The following MIGA1 variants were observed in gnomAD, a reference collection of about 807,000 sequenced individuals.
The protein encoded by MIGA1 is mitoguardin 1.
Under a neutral mutation model 82.0 loss-of-function variants are expected in MIGA1, and 58 were observed. That is an observed-to-expected ratio of 0.71 (90% confidence interval 0.57 to 0.88). The LOEUF is 0.88. MIGA1 is among the 40% of genes least tolerant of loss of function. MIGA1 has a pLI of 0.00. For synonymous variants in MIGA1, 249 were observed against 253.6 expected (o/e 0.98, Z 0.17); for missense variants, 751 against 749.1 (o/e 1.00, Z -0.03).
intron 2 of MIGA1, among the ~76,000 whole-genome samples, chr1:77,791,243 TAAAAAAAAAAAA>T (rs757682711): frequency 8.6e-6 from 1 of 116,942 alleles, no homozygotes; most frequent in Non-Finnish European, 1.8e-5. Flanking sequence ...CCCTGTCTCT[TAAAAAAAAAAAA>T]AAAAAAAAAA....
In MIGA1 at chr1:77,840,954, C is replaced by T. The variant is rs1182534397; in HGVS notation, c.896-2353C>T. Among the ~76,000 whole-genome samples, 4 of 152,140 alleles carry T rather than the reference C, an allele frequency of 2.6e-5. No homozygotes were observed. The East Asian group carries it at 5.8e-4, about 22-fold the overall frequency. On this transcript the variant is annotated intron_variant, in intron 7 of 15. Transcript: ENST00000370791. ...AAGATAACGCTTTGAAGGTTGTACA[C>T]GAGGATTAAGTTTTGTATAAAAGCT...
intron 7 of MIGA1, among the ~76,000 whole-genome samples, chr1:77,815,770 C>T (rs1298212190): frequency 1.3e-5 from 2 of 151,906 alleles, no homozygotes; most frequent in African/African-American, 2.4e-5. Context: ...ATATCTGTTG[C>T]CCAGGTGGGA....
chr1:77,828,584 G>A (rs1684118519), intron 7 of MIGA1, among the ~76,000 whole-genome samples: 1 of 152,126 alleles, frequency 6.6e-6, no homozygotes, highest in South Asian at 2.1e-4. Context: ...AGTACATGAG[G>A]AAAATATAAT....
At chr1:77,830,081 A>C (rs1487297191) in intron 7 of MIGA1, among the ~76,000 whole-genome samples, 4 of 152,132 alleles carry the variant, frequency 2.6e-5, no homozygotes, top group Admixed American at 2.6e-4. Flanking sequence ...TGTCATGACT[A>C]TTCTTAGCCC....
intron 7 of MIGA1, among the ~76,000 whole-genome samples, chr1:77,828,859 A>T (rs981866028): frequency 3.9e-5 from 6 of 152,000 alleles, no homozygotes; most frequent in African/African-American, 1.4e-4. Flanking sequence ...TATTTTTTGT[A>T]GACATGGGAG....
chr1:77,822,126 A>G (rs1209065510), intron 7 of MIGA1, among the ~76,000 whole-genome samples: 4 of 151,142 alleles, frequency 2.6e-5, no homozygotes, highest in Non-Finnish European at 5.9e-5. Context: ...CACATTGCAT[A>G]CATATAAAAA....
chr1:77,796,630 A>G (rs1682669824), intron 2 of MIGA1, among the ~76,000 whole-genome samples: 1 of 152,164 alleles, frequency 6.6e-6, no homozygotes, highest in African/African-American at 2.4e-5. Flanking sequence ...AGGTTACAGT[A>G]TTTATGTCTA....
At chr1:77,827,295 T>G (rs1378453821) in intron 7 of MIGA1, among the ~76,000 whole-genome samples, 1 of 152,012 alleles carries the variant, frequency 6.6e-6, no homozygotes, top group Non-Finnish European at 1.5e-5. Flanking sequence ...TTTTTACAAC[T>G]TCTTCCTTTC....
intron 7 of MIGA1, among the ~76,000 whole-genome samples, chr1:77,832,852 C>T (rs1684291198): frequency 6.6e-6 from 1 of 152,112 alleles, no homozygotes; most frequent in Non-Finnish European, 1.5e-5. Context: ...GTGGCTGGCA[C>T]AGTTTAAATA....
intron 8 of MIGA1, among the ~76,000 whole-genome samples, chr1:77,852,175 G>A (rs1021450192): frequency 1.3e-5 from 2 of 152,096 alleles, no homozygotes; most frequent in East Asian, 1.9e-4. Context: ...GTGAGCCACC[G>A]CACCTGGCCC....
At chr1:77,868,929 T>C (rs1422804230) in intron 14 of MIGA1, among the ~76,000 whole-genome samples, 1 of 150,156 alleles carries the variant, frequency 6.7e-6, no homozygotes, top group Admixed American at 6.6e-5. Flanking sequence ...CTTTTTTTTT[T>C]TAATTTATTT....
intron 8 of MIGA1, among the ~76,000 whole-genome samples, chr1:77,845,779 G>A (rs891554497): frequency 6.6e-6 from 1 of 152,060 alleles, no homozygotes; most frequent in Non-Finnish European, 1.5e-5. Flanking sequence ...GTTTTTGATC[G>A]TTCGAAAACC....
At chr1:77,803,720 A>T (rs1333241986) in intron 4 of MIGA1, among the ~76,000 whole-genome samples, 1 of 151,996 alleles carries the variant, frequency 6.6e-6, no homozygotes, top group South Asian at 2.1e-4. Flanking sequence ...AATTGAACTT[A>T]TGGAGATAGA....
chr1:77,847,735 G>C, intron 8 of MIGA1: 1 of 1,590,462 alleles, frequency 6.3e-7, no homozygotes, highest in Admixed American at 1.7e-5. Flanking sequence ...CCTAAATGCA[G>C]CTTTCGTGAA....
In MIGA1 at chr1:77,861,280, C is replaced by G; in HGVS notation, c.1332C>G (p.Thr444=). The G allele has an allele frequency of 5.6e-6, 9 of 1,613,228 alleles. No individual in the cohort carries two copies. Among genetic ancestry groups the G allele is most frequent in the Non-Finnish European group, 7.6e-6 (9 of 1,179,524 alleles). ...AAATGATCTATTTTTTAGAGCAGAC[C>G]GATCACTGGGGTAGTACTGAAATGG... Residue 444 remains threonine, a synonymous_variant, in exon 12 of 16, where the codon ACC becomes ACG. Coordinates refer to ENST00000370791, the MANE Select transcript of MIGA1 (RefSeq NM_198549.4).
At chr1:77,826,895 C>T (rs561833778) in intron 7 of MIGA1, among the ~76,000 whole-genome samples, 1 of 151,690 alleles carries the variant, frequency 6.6e-6, no homozygotes, top group South Asian at 2.1e-4. Flanking sequence ...ACCTCTGCCT[C>T]CTGGGTTCAA....
chr1:77,791,981 T>A (rs557642890), intron 2 of MIGA1, among the ~76,000 whole-genome samples: 8 of 152,338 alleles, frequency 5.3e-5, no homozygotes, highest in African/African-American at 1.9e-4. Flanking sequence ...TTTGGTATTG[T>A]CACTTCAAAA....
intron 14 of MIGA1, among the ~76,000 whole-genome samples, chr1:77,869,712 T>C (rs1374452711): frequency 2.7e-5 from 2 of 73,326 alleles, no homozygotes; most frequent in Non-Finnish European, 5.3e-5. Context: ...CCCCCCCACC[T>C]CCCTCCCGGA....
intron 6 of MIGA1, among the ~76,000 whole-genome samples, chr1:77,814,109 G>A (rs1023501225): frequency 6.6e-6 from 1 of 151,830 alleles, no homozygotes; most frequent in Non-Finnish European, 1.5e-5. Context: ...GGCTGGTCTC[G>A]AACTCCTGGC....
Sources: gnomAD v4.1 joint callset for allele counts (sites outside exome capture counted in the v4.1 genomes callset) on GRCh38, gnomAD v4.1.1 for gene constraint, MANE v1.5 for transcripts, NCBI Gene and HGNC (gene_info 2026-07-23, HGNC 2026-07-21) for gene names.